The following UGGT1 variants were observed in gnomAD, a reference collection of about 807,000 sequenced individuals.
UGGT1 encodes the protein UDP-glucose glycoprotein glucosyltransferase 1, also known as UDP-glucose:glycoprotein glucosyltransferase 1.
UGGT1 carries 107 observed loss-of-function variants against 203.9 expected under a neutral mutation model. The observed-to-expected ratio is 0.52, with a 90% CI of 0.45 to 0.62. The LOEUF is 0.62. Among genes scored for constraint, UGGT1 ranks in the 20% least tolerant of loss-of-function variants. The pLI is 0.00. For synonymous variants in UGGT1, 628 were observed against 653.5 expected, an observed-to-expected ratio of 0.96 and a Z score of 0.59; for missense variants, 1,673 against 1,867.2, an observed-to-expected ratio of 0.90 and a Z score of 1.92.
chr2:128,167,580 T>C (rs1690858672), intron 26 of UGGT1, among the ~76,000 whole-genome samples: 1 of 152,222 alleles, frequency 6.6e-6, no homozygotes, highest in African/African-American at 2.4e-5. Flanking sequence ...TCCTGGGGGA[T>C]TCCCGTGTGC....
chr2:128,100,406 G>A (rs1687324472), intron 2 of UGGT1, among the ~76,000 whole-genome samples: 1 of 151,508 alleles, frequency 6.6e-6, no homozygotes, highest in African/African-American at 2.4e-5. Flanking sequence ...GTGATATTCT[G>A]TTTAACATTC....
At chr2:128,179,012 G>A (rs879418386) in intron 34 of UGGT1, among the ~76,000 whole-genome samples, 1 of 152,154 alleles carries the variant, frequency 6.6e-6, no homozygotes, top group Non-Finnish European at 1.5e-5. Context: ...GAGGCCCCGA[G>A]TGTGAAGGGA....
chr2:128,157,306 C>A lies in UGGT1; in HGVS notation c.2315C>A (p.Pro772His). Reference sequence around the variant, plus strand: ...TGGATTGTTGGGGATTTTGATAGCCCTTCTGGACGGCAGTTACTGTATGAT... The same window carrying A: ...TGGATTGTTGGGGATTTTGATAGCCATTCTGGACGGCAGTTACTGTATGAT... ...TFWIVGDFDS[P>H]SGRQLLYDAI... is the part of the protein sequence containing the mutation. Residue 772 changes from proline (P) to histidine (H), a missense_variant, in exon 22 of 41, where the codon CCT becomes CAT. Pro to His is a moderately conservative substitution (Grantham distance 77). This residue lies in a region of UGGT1 where 1,073 missense variants were observed against 1,078.7 expected (regional missense o/e 0.99). Transcript: ENST00000259253. 1 of 1,614,058 alleles carries A rather than the reference C, an allele frequency of 6.2e-7. No homozygotes were observed. The highest frequency in any genetic ancestry group is 8.5e-7 in the Non-Finnish European group (1 of 1,180,010).
intron 30 of UGGT1, 40 bp downstream of exon 30, chr2:128,173,979 G>T: frequency 2.5e-6 from 4 of 1,598,122 alleles, no homozygotes; most frequent in Non-Finnish European, 3.4e-6. Context: ...TTGTAGTTAC[G>T]TTAATTTGGG....
At position 128,120,399 on chromosome 2, in the gene UGGT1, A is replaced by G. The variant is rs1026215962; in HGVS notation, c.916A>G (p.Lys306Glu). The change falls in exon 9 of 41, where the codon AAG (lysine) becomes GAG (glutamate). Residue 306 changes from lysine (K) to glutamate (E), a missense_variant. By Grantham distance (56) the Lys-to-Glu change is moderately conservative (BLOSUM62 1). Transcript: ENST00000259253. The part of the protein sequence containing the change: ...DLEGQLKELR[K>E]HLVESTNEMA... ...GGAGGGACAGTTGAAAGAACTCAGA[A>G]AGCATCTTGTAGAGAGCACCAATGA... 4 of 1,614,128 alleles carry G rather than the reference A, an allele frequency of 2.5e-6. No homozygotes were observed. Among genetic ancestry groups the G allele is most frequent in the Non-Finnish European group, 2.5e-6 (3 of 1,180,004 alleles).
At chr2:128,116,494 C>A in intron 8 of UGGT1, 151 bp downstream of exon 8, 1 of 537,460 alleles carries the variant, frequency 1.9e-6, no homozygotes, top group Non-Finnish European at 3.3e-6. Flanking sequence ...GGAGAGTCAA[C>A]CACTTAGTTT....
chr2:128,109,793 GCTTCTGCATTTGGT>G, intron 5 of UGGT1, 47 bp downstream of exon 5: 1 of 1,492,584 alleles, frequency 6.7e-7, no homozygotes. Flanking sequence ...TTCCAGTGCT[GCTTCTGCATTTGGT>G]CTACCTTCTG....
At chr2:128,168,312 G>T (rs556230212) in intron 26 of UGGT1, among the ~76,000 whole-genome samples, 5 of 152,116 alleles carry the variant, frequency 3.3e-5, no homozygotes, top group Non-Finnish European at 7.4e-5. Context: ...ATAATGATTG[G>T]CAGTGGACTT....
At chr2:128,107,674 A>T (rs1489755732) in intron 3 of UGGT1, among the ~76,000 whole-genome samples, 1 of 152,188 alleles carries the variant, frequency 6.6e-6, no homozygotes, top group Non-Finnish European at 1.5e-5. Flanking sequence ...ATTTCTGAGG[A>T]AGTATGTAGC....
intron 9 of UGGT1, 94 bp downstream of exon 9, chr2:128,120,550 G>A (rs924898698): frequency 4.9e-5 from 46 of 936,926 alleles, no homozygotes; most frequent in Non-Finnish European, 6.2e-5. Context: ...TATGTAGTAC[G>A]TGATTCTGAA....
At chr2:128,128,334 C>T (rs543968947) in intron 12 of UGGT1, among the ~76,000 whole-genome samples, 14 of 138,810 alleles carry the variant, frequency 1.0e-4, no homozygotes, top group East Asian at 2.1e-4. Flanking sequence ...TTTTTGGAGA[C>T]GGAGTCTCAC....
At chr2:128,130,550 G>A (rs1340936850) in intron 13 of UGGT1, among the ~76,000 whole-genome samples, 5 of 152,100 alleles carry the variant, frequency 3.3e-5, no homozygotes, top group Non-Finnish European at 7.4e-5. Context: ...ACATGTTTAT[G>A]CAAACATAAA....
intron 15 of UGGT1, among the ~76,000 whole-genome samples, chr2:128,136,296 A>G (rs1344620145): frequency 6.6e-6 from 1 of 152,240 alleles, no homozygotes. Context: ...GATGTAAAGT[A>G]TTCACATTAC....
chr2:128,113,469 G>C (rs1421645758), intron 6 of UGGT1, among the ~76,000 whole-genome samples: 1 of 152,158 alleles, frequency 6.6e-6, no homozygotes, highest in Non-Finnish European at 1.5e-5. Context: ...TAAAAAAGTA[G>C]CTCGATAAAG....
intron 29 of UGGT1, 60 bp from the exon 30 acceptor site, chr2:128,173,721 A>G: frequency 1.9e-6 from 3 of 1,580,248 alleles, no homozygotes; most frequent in Non-Finnish European, 2.6e-6. Flanking sequence ...TGCATAATGC[A>G]TTTCAGATTT....
rs556478942 is a variant in UGGT1 at position 128,124,772 on chromosome 2, G to T, written c.1134+1526G>T. ...GTTGTCAAATATTTAATTTTCAGGGGTTTTTTTTGTTCTTTTTATGGTGTT... is the reference window on the plus strand; with the variant it reads ...GTTGTCAAATATTTAATTTTCAGGGTTTTTTTTTGTTCTTTTTATGGTGTT... On this transcript the variant is annotated intron_variant, in intron 11 of 40. Transcript: ENST00000259253. Among the ~76,000 whole-genome samples, 83 of 151,556 alleles carry T rather than the reference G, an allele frequency of 5.5e-4. 1 individual carries two copies. Among genetic ancestry groups the T allele is most frequent in the South Asian group, 2.3e-3 (11 of 4,792 alleles).
chr2:128,150,360 T>C (rs1362973978), intron 18 of UGGT1, among the ~76,000 whole-genome samples: 1 of 152,182 alleles, frequency 6.6e-6, no homozygotes, highest in Non-Finnish European at 1.5e-5. Flanking sequence ...TGCTTGAGGA[T>C]TGAGGCTGTA....
chr2:128,126,862 T>A (rs977791402), intron 11 of UGGT1, among the ~76,000 whole-genome samples: 16 of 152,104 alleles, frequency 1.1e-4, no homozygotes, highest in Admixed American at 2.6e-4. Flanking sequence ...TTTGTATTTT[T>A]AATAGAGACG....
intron 3 of UGGT1, among the ~76,000 whole-genome samples, chr2:128,105,242 C>T (rs1487289498): frequency 2.0e-5 from 3 of 147,294 alleles, no homozygotes; most frequent in Non-Finnish European, 4.4e-5. Context: ...TAAAAATTGT[C>T]TGAATCTTTT....
Sources: allele counts gnomAD v4.1 joint callset (sites outside exome capture counted in the v4.1 genomes callset), GRCh38; gene constraint gnomAD v4.1.1; regional missense constraint gnomAD v4.1.1; transcripts MANE v1.5; gene names NCBI Gene and HGNC (gene_info 2026-07-23, HGNC 2026-07-21).